The following PTP4A2 variants were observed in gnomAD, a reference collection of about 807,000 sequenced individuals.
PTP4A2 encodes protein tyrosine phosphatase 4A2, also known as protein tyrosine phosphatase type IVA 2.
Under a neutral mutation model 22.9 loss-of-function variants are expected in PTP4A2, and 2 were observed. The ratio of observed to expected loss-of-function variants is 0.09; its 90% CI spans 0.04 to 0.27. The LOEUF (loss-of-function observed/expected upper bound fraction) is 0.27, where lower values mean the gene tolerates loss of function less well. PTP4A2 is among the 10% of genes least tolerant of loss of function. The pLI is 1.00. For synonymous variants in PTP4A2, 68 were observed against 69.1 expected (o/e 0.98, Z 0.08); for missense variants, 103 against 205.1 (o/e 0.50, Z 3.04).
chr1:31,924,537 C>G (rs1478980867), intron 1 of PTP4A2, among the ~76,000 whole-genome samples: 1 of 152,140 alleles, frequency 6.6e-6, no homozygotes, highest in Non-Finnish European at 1.5e-5. Context: ...AGTTGCAGAA[C>G]CCTATGTTTT....
chr1:31,928,916 G>A (rs1652601928), intron 1 of PTP4A2, among the ~76,000 whole-genome samples: 1 of 152,098 alleles, frequency 6.6e-6, no homozygotes, highest in Non-Finnish European at 1.5e-5. Context: ...GATAAGGGAA[G>A]CAATTAGTCA....
chr1:31,912,944 T>C, intron 3 of PTP4A2: 2 of 436,006 alleles, frequency 4.6e-6, no homozygotes, highest in South Asian at 3.2e-5. Context: ...TAAATGTCAC[T>C]AGAGAGTTTA....
chr1:31,908,135 TTATATTATATATATATATA>T lies in PTP4A2; in HGVS notation c.*698_*716del, dbSNP rs1651294935. The T allele has an allele frequency of 7.3e-3, 29 of 3,962 alleles. 4 individuals are homozygous for T. Among genetic ancestry groups the T allele is most frequent in the African/African-American group, 0.018 (9 of 506 alleles). 0.2% of individuals were successfully genotyped at this position (3,962 alleles called of 1,614,324 possible). On this transcript the variant is annotated 3_prime_UTR_variant, in exon 6 of 6. Coordinates refer to ENST00000647444, the MANE Select transcript of PTP4A2 (RefSeq NM_080391.4). ...GAAAATATATATATATATATATATA[TTATATTATATATATATATA>T]TATATATATATATATATATATATAT...
At position 31,911,684 on chromosome 1, in the gene PTP4A2, G is replaced by GT; in HGVS notation, c.320+11dup. The GT allele has an allele frequency of 1.3e-6, 2 of 1,564,002 alleles. No individual in the cohort carries two copies. Among genetic ancestry groups the GT allele is most frequent in the Non-Finnish European group, 1.7e-6 (2 of 1,161,046 alleles). ...AATTCAGACAAAAAGGGTAATAAAG[G>GT]TAAGAGTTTACCTTCCCAATCCTGC... On this transcript the variant is annotated intron_variant, in intron 4 of 5. Transcript: ENST00000647444.
At chr1:31,909,566 A>G (rs1309167778) in intron 5 of PTP4A2, among the ~76,000 whole-genome samples, 2 of 151,846 alleles carry the variant, frequency 1.3e-5, no homozygotes, top group South Asian at 4.2e-4. Flanking sequence ...CAGCTACTTG[A>G]GAGGCTGAGG....
At chr1:31,921,081 T>C (rs1044472424) in intron 1 of PTP4A2, among the ~76,000 whole-genome samples, 1 of 152,228 alleles carries the variant, frequency 6.6e-6, no homozygotes, top group African/African-American at 2.4e-5. Context: ...CTGACAGTAC[T>C]TTCCTATATG....
intron 4 of PTP4A2, chr1:31,911,328 C>G (rs1651524871): frequency 6.3e-6 from 1 of 158,468 alleles, no homozygotes; most frequent in Non-Finnish European, 1.4e-5. Flanking sequence ...GTTTAAAGTT[C>G]AGATATCTGC....
chr1:31,916,414 T>A (rs1471209494), intron 2 of PTP4A2, among the ~76,000 whole-genome samples: 2 of 149,966 alleles, frequency 1.3e-5, no homozygotes, highest in Non-Finnish European at 3.0e-5. Context: ...ATATCATTTT[T>A]AGACAAAGAT....
intron 1 of PTP4A2, among the ~76,000 whole-genome samples, chr1:31,935,103 A>T (rs1652877672): frequency 6.6e-6 from 1 of 152,226 alleles, no homozygotes; most frequent in African/African-American, 2.4e-5. Flanking sequence ...TGTCCCACAC[A>T]GCTCAACAGA....
At chr1:31,923,316 T>C (rs1402290126) in intron 1 of PTP4A2, among the ~76,000 whole-genome samples, 2 of 148,946 alleles carry the variant, frequency 1.3e-5, no homozygotes, top group Non-Finnish European at 3.0e-5. Context: ...AAGTGATCCT[T>C]CTGCCTCAAC....
At chr1:31,912,556 C>T (rs72664990) in intron 3 of PTP4A2, among the ~76,000 whole-genome samples, 1,629 of 152,228 alleles carry the variant, frequency 0.011, 14 homozygotes, top group Non-Finnish European at 0.017. Flanking sequence ...ACTAATCCCA[C>T]GAGCATTCAC....
intron 3 of PTP4A2, chr1:31,914,515 A>AAT (rs1651723846): frequency 3.5e-6 from 1 of 286,318 alleles, no homozygotes; most frequent in Admixed American, 4.9e-5. Context: ...ACCACTGACC[A>AAT]ATATAATAAA....
At chr1:31,920,041 G>A (rs554096690) in intron 1 of PTP4A2, among the ~76,000 whole-genome samples, 8 of 145,816 alleles carry the variant, frequency 5.5e-5, no homozygotes, top group Admixed American at 2.1e-4. Flanking sequence ...CAGGAGAATC[G>A]CTTGAACCCG....
intron 1 of PTP4A2, among the ~76,000 whole-genome samples, chr1:31,927,104 T>C (rs549702606): frequency 3.9e-5 from 6 of 152,312 alleles, no homozygotes; most frequent in African/African-American, 1.4e-4. Flanking sequence ...TTGACTTTTA[T>C]TCAGAAAATG....
chr1:31,913,687 A>G (rs1651666574), intron 3 of PTP4A2: 1 of 383,826 alleles, frequency 2.6e-6, no homozygotes, highest in South Asian at 1.9e-5. Context: ...CAAAACAAAA[A>G]CCTAAATTTA....
intron 5 of PTP4A2, among the ~76,000 whole-genome samples, chr1:31,909,742 G>T (rs145123194): frequency 1.7e-3 from 257 of 151,530 alleles, no homozygotes; most frequent in African/African-American, 6.0e-3. Flanking sequence ...TCCTAACAGA[G>T]AATTATATTT....
intron 1 of PTP4A2, among the ~76,000 whole-genome samples, chr1:31,927,100 T>TTTATTCAGAAAATGATGC (rs1553212355): frequency 1.3e-5 from 2 of 152,146 alleles, no homozygotes; most frequent in Non-Finnish European, 2.9e-5. Flanking sequence ...GCATTTGACT[T>TTTATTCAGAAAATGATGC]TTATTCAGAA....
At chr1:31,920,470 G>A (rs943248845) in intron 1 of PTP4A2, among the ~76,000 whole-genome samples, 3 of 149,838 alleles carry the variant, frequency 2.0e-5, no homozygotes, top group South Asian at 4.2e-4. Context: ...AAAAAAATCA[G>A]AGACTCGATT....
At chr1:31,921,435 T>C (rs1652151062) in intron 1 of PTP4A2, 1 of 152,194 alleles carries the variant, frequency 6.6e-6, no homozygotes, top group Non-Finnish European at 1.5e-5. Flanking sequence ...GCCTCAAGAA[T>C]ACAAAATTAT....
Sources: allele counts gnomAD v4.1 joint callset (sites outside exome capture counted in the v4.1 genomes callset), GRCh38; gene constraint gnomAD v4.1.1; transcripts MANE v1.5; gene names NCBI Gene and HGNC (gene_info 2026-07-23, HGNC 2026-07-21).